PRKG1: variants seen among roughly 807,000 people sequenced by gnomAD.
The protein encoded by PRKG1 is protein kinase cGMP-dependent 1, also known as cGMP-dependent protein kinase 1.
A neutral mutation model predicts 88.1 loss-of-function variants in PRKG1; 35 were observed. The ratio of observed to expected loss-of-function variants is 0.40; its 90% confidence interval spans 0.30 to 0.53. The LOEUF is 0.53. PRKG1 is among the 20% of genes least tolerant of loss of function. PRKG1 has a pLI of 0.59. For synonymous variants in PRKG1, 303 were observed against 292.5 expected (o/e 1.04, Z -0.37); for missense variants, 540 against 839.8 (o/e 0.64, Z 4.41).
chr10:51,475,303 A>G (rs1840159416), intron 3 of PRKG1, among the ~76,000 whole-genome samples: 1 of 151,982 alleles, frequency 6.6e-6, no homozygotes, highest in Non-Finnish European at 1.5e-5. Context: ...CAGCATCAGC[A>G]TCACCTAGGC....
chr10:51,372,787 C>G (rs528701495), intron 2 of PRKG1, among the ~76,000 whole-genome samples: 3 of 152,164 alleles, frequency 2.0e-5, no homozygotes, highest in African/African-American at 4.8e-5. Flanking sequence ...TTGAGATAAT[C>G]ACATGATTTT....
At chr10:51,008,053 A>G (rs1036456642) in intron 1 of PRKG1, among the ~76,000 whole-genome samples, 7 of 152,186 alleles carry the variant, frequency 4.6e-5, no homozygotes, top group Non-Finnish European at 2.9e-5. Flanking sequence ...ACACTATACT[A>G]CATGATAATC....
At chr10:52,275,990 A>G (rs1047716954) in intron 12 of PRKG1, among the ~76,000 whole-genome samples, 11 of 152,056 alleles carry the variant, frequency 7.2e-5, no homozygotes, top group African/African-American at 2.7e-4. Flanking sequence ...CCACTTGGTC[A>G]CCATTGGTGT....
chr10:51,606,668 C>T (rs1373700480), intron 3 of PRKG1, among the ~76,000 whole-genome samples: 3 of 151,992 alleles, frequency 2.0e-5, no homozygotes, highest in Admixed American at 1.3e-4. Flanking sequence ...TAGTATTTTA[C>T]TTAAAAAAAA....
At chr10:51,956,749 G>A (rs1487056432) in intron 5 of PRKG1, among the ~76,000 whole-genome samples, 1 of 150,332 alleles carries the variant, frequency 6.7e-6, no homozygotes, top group East Asian at 2.0e-4. Flanking sequence ...TAAATTTTAA[G>A]TTTCCCCACT....
At chr10:51,138,014 GTA>G (rs1845728788) in intron 1 of PRKG1, among the ~76,000 whole-genome samples, 1 of 152,150 alleles carries the variant, frequency 6.6e-6, no homozygotes, top group African/African-American at 2.4e-5. Flanking sequence ...GGGAGGTTAT[GTA>G]TTGGTGGTTC....
intron 8 of PRKG1, among the ~76,000 whole-genome samples, chr10:52,134,437 AT>A (rs1338160918): frequency 2.6e-5 from 4 of 152,232 alleles, no homozygotes; most frequent in African/African-American, 7.2e-5. Flanking sequence ...GCCATTAAAA[AT>A]TTGTCTGATA....
rs764532999 is a variant in PRKG1, at chr10:52,131,844, A to AAAAAAAAAAAAC, written c.936-1994_936-1993insAAAAAAAAACAA. 2.0e-4 allele frequency among the ~76,000 whole-genome samples: 24 copies of AAAAAAAAAAAAC among 117,256 alleles called. 5 individuals carry two copies. Among genetic ancestry groups the AAAAAAAAAAAAC allele is most frequent in the Non-Finnish European group, 3.2e-4 (16 of 50,678 alleles). 76.9% of individuals were successfully genotyped at this position (117,256 alleles called of 152,430 possible). A position where few individuals can be genotyped will look rare whatever the true frequency, so the allele number is the denominator to read the frequency against. ...AAAAAAAAAAAAAAAAAAAAAAAAA[A>AAAAAAAAAAAAC]AAGAGGCCAGTTTGGCCAAAAGGCA... is the stretch of plus-strand genomic sequence containing the variant. On this transcript the variant is annotated intron_variant, in intron 7 of 17. Transcript: ENST00000373980.
At chr10:51,323,208 A>G (rs1241018531) in intron 2 of PRKG1, among the ~76,000 whole-genome samples, 1 of 152,216 alleles carries the variant, frequency 6.6e-6, no homozygotes, top group Non-Finnish European at 1.5e-5. Flanking sequence ...TTGCTACGAT[A>G]TGATATATTT....
At chr10:51,070,935 C>A (rs73338462), upstream of PRKG1, among the ~76,000 whole-genome samples, 3,910 of 152,278 alleles carry the variant, frequency 0.026, 103 homozygotes, top group Middle Eastern at 0.065. Context: ...ATTGTTCTAA[C>A]TGTTAGCATC....
intron 5 of PRKG1, among the ~76,000 whole-genome samples, chr10:51,953,560 CAGTT>C (rs1213530937): frequency 6.6e-6 from 1 of 152,136 alleles, no homozygotes; most frequent in African/African-American, 2.4e-5. Context: ...CTCATGACAA[CAGTT>C]AGTTCGGGAG....
At chr10:51,762,555 G>A (rs1417965527) in intron 3 of PRKG1, among the ~76,000 whole-genome samples, 1 of 152,092 alleles carries the variant, frequency 6.6e-6, no homozygotes, top group Non-Finnish European at 1.5e-5. Context: ...CCCTCATATA[G>A]CCATGAATGC....
intron 2 of PRKG1, among the ~76,000 whole-genome samples, chr10:51,330,380 A>G (rs1841709080): frequency 6.6e-6 from 1 of 151,884 alleles, no homozygotes; most frequent in Non-Finnish European, 1.5e-5. Flanking sequence ...TGATCTCCTG[A>G]CCTCAGGTGA....
intron 1 of PRKG1, among the ~76,000 whole-genome samples, chr10:50,995,163 T>A (rs370078648): frequency 1.3e-5 from 2 of 152,282 alleles, no homozygotes; most frequent in South Asian, 2.1e-4. Flanking sequence ...ATCTTAAAAA[T>A]TTACGTAATA....
chr10:52,015,607 G>C (rs990078027), intron 5 of PRKG1, among the ~76,000 whole-genome samples: 2 of 152,178 alleles, frequency 1.3e-5, no homozygotes, highest in Non-Finnish European at 2.9e-5. Context: ...GAATTTCTCC[G>C]CAGAAAATAG....
intron 1 of PRKG1, among the ~76,000 whole-genome samples, chr10:51,045,307 ATATTTATT>A (rs113146187): frequency 1.5e-4 from 22 of 150,962 alleles, no homozygotes; most frequent in Admixed American, 7.3e-4. Flanking sequence ...ATAGAAAAAA[ATATTTATT>A]TATTTATTTA....
chr10:51,681,974 A>G (rs1840861812), intron 3 of PRKG1, among the ~76,000 whole-genome samples: 1 of 152,194 alleles, frequency 6.6e-6, no homozygotes, highest in African/African-American at 2.4e-5. Context: ...TAGTTCCTCA[A>G]ACTTTTCTAT....
intron 9 of PRKG1, among the ~76,000 whole-genome samples, chr10:52,234,036 AC>A (rs1311681617): frequency 3.3e-5 from 5 of 151,544 alleles, no homozygotes; most frequent in African/African-American, 1.2e-4. Flanking sequence ...ACTGGGAGGC[AC>A]CCCCCAGCAG....
intron 2 of PRKG1, among the ~76,000 whole-genome samples, chr10:51,249,679 A>G (rs542806739): frequency 1.8e-4 from 27 of 151,880 alleles, no homozygotes; most frequent in Non-Finnish European, 2.8e-4. Flanking sequence ...AAGTAGCAGC[A>G]TATTATAAAT....
Sources: allele counts gnomAD v4.1 joint callset (sites outside exome capture counted in the v4.1 genomes callset), GRCh38; gene constraint gnomAD v4.1.1; transcripts MANE v1.5; gene names NCBI Gene and HGNC (gene_info 2026-07-23, HGNC 2026-07-21).